The following ASMT variants were observed in gnomAD, a reference collection of about 807,000 sequenced individuals.
ASMT encodes acetylserotonin O-methyltransferase.
In ASMT, 53 loss-of-function variants were observed where a neutral mutation model predicts 41.3. The observed-to-expected ratio is 1.28, with a 90% confidence interval of 1.03 to 1.61. The LOEUF (loss-of-function observed/expected upper bound fraction) is 1.61, where lower values mean the gene tolerates loss of function less well. Ranked by LOEUF, ASMT falls within the 40% of genes most tolerant of loss-of-function variation. ASMT has a pLI of 0.00. For synonymous variants in ASMT, 231 were observed against 184.8 expected, an observed-to-expected ratio of 1.25 and a Z score of -2.03; for missense variants, 531 against 441.3, an observed-to-expected ratio of 1.20 and a Z score of -1.82.
rs1569384463 is a variant in ASMT, at chrX:1,637,020, GCTCTCC to G, written c.910+461_910+466del. Among the ~76,000 whole-genome samples the G allele has an allele frequency of 3.1e-4, 18 of 58,020 alleles. 1 individual carries two copies. Among genetic ancestry groups the G allele is most frequent in the Admixed American group, 9.0e-4 (5 of 5,548 alleles). 38.1% of individuals were successfully genotyped at this position (58,020 alleles called of 152,430 possible). On this transcript the variant is annotated intron_variant, in intron 8 of 8. Transcript: ENST00000381241. ...TGTGTGTGATGGGGACAGTGTCCCA[GCTCTCC>G]TGTGAGGTCCATCCATCCTGATGGC...
At chrX:1,633,997 T>A (rs1295104260) in intron 7 of ASMT, among the ~76,000 whole-genome samples, 1 of 151,948 alleles carries the variant, frequency 6.6e-6, no homozygotes, top group East Asian at 1.9e-4. Flanking sequence ...GGTCTCAAAC[T>A]CCTGACCTCA....
intron 1 of ASMT, among the ~76,000 whole-genome samples, chrX:1,621,698 A>C (rs191484411): frequency 1.5e-4 from 22 of 149,674 alleles, no homozygotes; most frequent in African/African-American, 4.7e-4. Context: ...ATATGTATTT[A>C]TTTATTTATC....
Position 1,626,081 on chromosome X carries a change from A to G in ASMT, c.375-1622A>G, listed in dbSNP as rs112745020. On this transcript the variant is annotated intron_variant, in intron 3 of 8. Coordinates refer to ENST00000381241, the MANE Select transcript of ASMT (RefSeq NM_001171038.2). ...AAAGAATAGACTGTTACTGTTTCCT[A>G]TCTGACTTGGTTCTCTCCTGGATCA... Among the ~76,000 whole-genome samples, 62 of 151,878 alleles carry G rather than the reference A, an allele frequency of 4.1e-4. 1 individual carries two copies. The highest frequency in any genetic ancestry group is 7.2e-4 in the Non-Finnish European group (49 of 67,990).
In ASMT at chrX:1,627,717, A is replaced by G. The variant is rs1569376116; in HGVS notation, c.389A>G (p.Gln130Arg). 1.2e-6 allele frequency: 2 copies of G among 1,613,906 alleles called. No individual in the cohort carries two copies. The highest frequency in any genetic ancestry group is 8.5e-7 in the Non-Finnish European group (1 of 1,179,782). The change falls in exon 4 of 9, where the codon CAG becomes CGG. Residue 130 changes from glutamine (Q) to arginine (R), a missense_variant. Physicochemically the swap from Gln to Arg is conservative, Grantham distance 43. Transcript: ENST00000381241. ...LADAVREGRN[Q>R]YLETFGVPAE... ...TCTTTTCTTAGAGAAGGAAGGAACC[A>G]GTACCTGGAGACGTTTGGCGTTCCC...
chrX:1,636,080 C>T (rs1392392020), intron 7 of ASMT, among the ~76,000 whole-genome samples: 14 of 150,724 alleles, frequency 9.3e-5, no homozygotes, highest in Admixed American at 5.9e-4. Flanking sequence ...CTCAGCCTCC[C>T]GAGTAGCTGG....
chrX:1,615,930 G>A (rs1934079054), intron 1 of ASMT, among the ~76,000 whole-genome samples: 1 of 152,114 alleles, frequency 6.6e-6, no homozygotes, highest in Admixed American at 6.6e-5. Context: ...TGATAGAGTA[G>A]TATATGTGGT....
intron 5 of ASMT, among the ~76,000 whole-genome samples, chrX:1,632,496 A>C (rs1391392016): frequency 1.3e-5 from 2 of 151,944 alleles, no homozygotes; most frequent in Non-Finnish European, 2.9e-5. Flanking sequence ...CTAAAAATAC[A>C]ATAAAAAAAT....
Position 1,623,147 on chromosome X carries a change from C to T in ASMT, c.78C>T (p.Phe26=), listed in dbSNP as rs368151541. 20 of 1,612,508 alleles carry T rather than the reference C, an allele frequency of 1.2e-5. No individual in the cohort carries two copies. The African/African-American group carries it at 1.5e-4, about 12-fold the overall frequency. The change falls in exon 2 of 9, where the codon TTC becomes TTT. Residue 26 remains phenylalanine, a synonymous_variant. Transcript: ENST00000381241. The part of the protein sequence containing the change: ...ANGFMVSQVL[F]AACELGVFDL... ...TCCGCTCCTGCTCCAAGGTTCTCTT[C>T]GCCGCCTGCGAGCTGGGCGTGTTTG...
At chrX:1,627,490 G>A (rs1285670551) in intron 3 of ASMT, among the ~76,000 whole-genome samples, 5 of 144,012 alleles carry the variant, frequency 3.5e-5, no homozygotes, top group South Asian at 4.4e-4. Context: ...GCGTGGTGGC[G>A]GGCGCCTATA....
At chrX:1,642,755 C>T (rs1454407771) in intron 8 of ASMT, 48 bp from the exon 9 acceptor site, 48 of 1,569,482 alleles carry the variant, frequency 3.1e-5, no homozygotes, top group African/African-American at 1.6e-4. Context: ...TTGGCACAGT[C>T]TGTCTGTGTG....
chrX:1,623,431 C>A (rs1442872740), intron 2 of ASMT, 118 bp downstream of exon 2: 2 of 1,337,000 alleles, frequency 1.5e-6, no homozygotes, highest in Non-Finnish European at 2.1e-6. Flanking sequence ...CCCGTCTCTA[C>A]TAAAAAAAAT....
intron 7 of ASMT, 78 bp from the exon 8 acceptor site, chrX:1,636,360 C>G: frequency 6.2e-7 from 1 of 1,609,548 alleles, no homozygotes. Context: ...ATCCAGGTGA[C>G]CTTTTGTGCC....
At chrX:1,616,757 G>C (rs1341473387) in intron 1 of ASMT, among the ~76,000 whole-genome samples, 1 of 149,540 alleles carries the variant, frequency 6.7e-6, no homozygotes, top group African/African-American at 2.4e-5. Context: ...CGCCCAGGCT[G>C]GAGTGCAATG....
chrX:1,629,966 C>CACACCACACAGAA, intron 5 of ASMT, 27 bp downstream of exon 5: 1 of 1,557,654 alleles, frequency 6.4e-7, no homozygotes, highest in South Asian at 1.1e-5. Context: ...ACTAATACCT[C>CACACCACACAGAA]GGAGGTGTGG....
Position 1,629,949 on chromosome X carries a change from C to T in ASMT, c.562+10C>T. On this transcript the variant is annotated intron_variant, in intron 5 of 8. Transcript: ENST00000381241. Reference sequence around the variant, plus strand: ...ATGTGTGACCTTGGTGGTAAGTACCCCTCACCACTAATACCTCGGAGGTGT... The same window carrying T: ...ATGTGTGACCTTGGTGGTAAGTACCTCTCACCACTAATACCTCGGAGGTGT... 6.2e-7 allele frequency: 1 copy of T among 1,600,400 alleles called. No individual in the cohort carries two copies. The highest frequency in any genetic ancestry group is 8.6e-7 in the Non-Finnish European group (1 of 1,167,502).
chrX:1,635,810 T>C (rs28723438), intron 7 of ASMT, among the ~76,000 whole-genome samples: 44,368 of 150,930 alleles, frequency 0.29, 6,681 homozygotes, highest in East Asian at 0.45. Context: ...TGCGGTGAGC[T>C]GAGATCAGGC....
At chrX:1,641,365 T>TG (rs1183666088) in intron 8 of ASMT, among the ~76,000 whole-genome samples, 3 of 126,482 alleles carry the variant, frequency 2.4e-5, no homozygotes, top group African/African-American at 5.7e-5. Flanking sequence ...GTGTGTGTGA[T>TG]AGGGACCATG....
intron 7 of ASMT, 32 bp from the exon 8 acceptor site, chrX:1,636,406 G>A (rs767346034): frequency 1.9e-6 from 3 of 1,613,878 alleles, no homozygotes; most frequent in Non-Finnish European, 1.7e-6. Context: ...TGGATTGCAG[G>A]CTGACCTCGG....
chrX:1,630,391 C>T (rs545659716), intron 5 of ASMT, among the ~76,000 whole-genome samples: 31 of 143,250 alleles, frequency 2.2e-4, no homozygotes, highest in African/African-American at 7.3e-4. Context: ...CCGCAACCTC[C>T]GCCTCCTGGG....
Sources: gnomAD v4.1 joint callset for allele counts (sites outside exome capture counted in the v4.1 genomes callset) on GRCh38, gnomAD v4.1.1 for gene constraint, MANE v1.5 for transcripts, NCBI Gene and HGNC (gene_info 2026-07-23, HGNC 2026-07-21) for gene names.